The following C12orf42 variants were observed in gnomAD, a reference collection of about 807,000 sequenced individuals.
C12orf42 encodes uncharacterized protein C12orf42.
C12orf42 carries 25 observed loss-of-function variants against 21.6 expected under a neutral mutation model. That is an observed-to-expected ratio of 1.16 (90% CI 0.84 to 1.62). The LOEUF (loss-of-function observed/expected upper bound fraction) is 1.62, where lower values mean the gene tolerates loss of function less well. Among genes scored for constraint, C12orf42 ranks in the 40% most tolerant of loss-of-function variants. The pLI is 0.00. For missense variants in C12orf42, 483 were observed against 459.3 expected, an observed-to-expected ratio of 1.05 and a Z score of -0.47; for synonymous variants, 174 against 175.0, an observed-to-expected ratio of 0.99 and a Z score of 0.05.
At chr12:103,561,950 C>A in the C12orf42 span, among the ~76,000 whole-genome samples, 2 of 152,178 alleles carry the variant, frequency 1.3e-5, no homozygotes, top group Admixed American at 6.5e-5. Context: ...CAAATCTGTG[C>A]CTTACACAAA....
the C12orf42 span, among the ~76,000 whole-genome samples, chr12:103,506,846 T>A: frequency 1.3e-5 from 1 of 77,698 alleles, no homozygotes; most frequent in South Asian, 5.9e-4. Flanking sequence ...TATATATATA[T>A]ATATTTATAT....
intron 5 of C12orf42, 49 bp from the exon 6 acceptor site, chr12:103,302,608 G>C: frequency 6.7e-7 from 1 of 1,495,890 alleles, no homozygotes; most frequent in Non-Finnish European, 9.0e-7. Flanking sequence ...TCAAGCGTGC[G>C]GGACCACACC....
the C12orf42 span, among the ~76,000 whole-genome samples, chr12:103,196,310 G>A: frequency 2.2e-4 from 33 of 151,978 alleles, no homozygotes; most frequent in African/African-American, 5.1e-4. Flanking sequence ...ATATGATTTC[G>A]TTTTGTGTTC....
intron 4 of C12orf42, among the ~76,000 whole-genome samples, chr12:103,321,885 G>A (rs1345701667): frequency 6.6e-6 from 1 of 151,830 alleles, no homozygotes; most frequent in Non-Finnish European, 1.5e-5. Context: ...GAAGGGGGGA[G>A]GGATAGCATT....
At chr12:103,341,560 G>A (rs79581444) in intron 4 of C12orf42, among the ~76,000 whole-genome samples, 18,560 of 152,038 alleles carry the variant, frequency 0.12, 1,403 homozygotes, top group African/African-American at 0.21. Flanking sequence ...AAAAGAAGAT[G>A]GAAAAGAGAC....
the C12orf42 span, among the ~76,000 whole-genome samples, chr12:103,056,229 C>A: frequency 6.6e-6 from 1 of 152,016 alleles, no homozygotes; most frequent in Non-Finnish European, 1.5e-5. Flanking sequence ...TTATTTGGTG[C>A]CTACATATTT....
chr12:103,070,438 T>C, the C12orf42 span, among the ~76,000 whole-genome samples: 1 of 151,986 alleles, frequency 6.6e-6, no homozygotes, highest in African/African-American at 2.4e-5. Flanking sequence ...CAATTCCATT[T>C]TCTCCACAAT....
the C12orf42 span, among the ~76,000 whole-genome samples, chr12:103,232,252 C>T: frequency 9.2e-5 from 14 of 152,134 alleles, no homozygotes; most frequent in African/African-American, 3.4e-4. Context: ...CAGTTTGTGG[C>T]TTCTCTTTTT....
At chr12:103,090,892 AG>A in the C12orf42 span, among the ~76,000 whole-genome samples, 1 of 152,018 alleles carries the variant, frequency 6.6e-6, no homozygotes, top group South Asian at 2.1e-4. Flanking sequence ...TGAGAGAGGG[AG>A]GGCTCTTCAT....
the C12orf42 span, among the ~76,000 whole-genome samples, chr12:103,133,465 C>T: frequency 6.6e-6 from 1 of 152,170 alleles, no homozygotes; most frequent in African/African-American, 2.4e-5. Context: ...CAGGCATGCT[C>T]ATCTCACTGC....
At chr12:103,247,174 C>A (rs1520194) in intron 10 of C12orf42, among the ~76,000 whole-genome samples, 2 of 151,178 alleles carry the variant, frequency 1.3e-5, no homozygotes, top group Non-Finnish European at 3.0e-5. Flanking sequence ...CAAAAAAAAA[C>A]CATGATCAAT....
the C12orf42 span, among the ~76,000 whole-genome samples, chr12:103,180,459 T>C: frequency 2.0e-5 from 3 of 152,054 alleles, no homozygotes; most frequent in Non-Finnish European, 4.4e-5. Context: ...ATATTTGCAC[T>C]GGAGAAAAAG....
chr12:103,137,220 T>C, the C12orf42 span, among the ~76,000 whole-genome samples: 1 of 152,022 alleles, frequency 6.6e-6, no homozygotes, highest in Non-Finnish European at 1.5e-5. Context: ...AGGACATGAA[T>C]AGACATTTCT....
the C12orf42 span, among the ~76,000 whole-genome samples, chr12:103,083,973 C>A: frequency 6.6e-6 from 1 of 152,176 alleles, no homozygotes; most frequent in Non-Finnish European, 1.5e-5. Flanking sequence ...ATGTGATTAG[C>A]AGACTGCTTG....
chr12:103,394,626 T>C (rs2047359699), intron 3 of C12orf42, among the ~76,000 whole-genome samples: 1 of 152,204 alleles, frequency 6.6e-6, no homozygotes, highest in South Asian at 2.1e-4. Flanking sequence ...GCAATTTTTT[T>C]CCACAAATAC....
chr12:103,075,459 A>T, the C12orf42 span, among the ~76,000 whole-genome samples: 1 of 152,234 alleles, frequency 6.6e-6, no homozygotes, highest in Admixed American at 6.5e-5. Flanking sequence ...ACATTTTCCA[A>T]GAGTATTTTT....
downstream of C12orf42, among the ~76,000 whole-genome samples, chr12:103,235,957 C>T (rs987795195): frequency 6.6e-6 from 1 of 152,140 alleles, no homozygotes; most frequent in Admixed American, 6.5e-5. Context: ...CTCAGAAATG[C>T]TCCTTGTGGT....
At chr12:103,161,313 G>T in the C12orf42 span, 3 of 151,966 alleles carry the variant, frequency 2.0e-5, no homozygotes, top group South Asian at 2.1e-4. Context: ...TAATTTGAGG[G>T]CATCAGCCTT....
the C12orf42 span, among the ~76,000 whole-genome samples, chr12:103,141,904 T>C: frequency 2.6e-5 from 4 of 152,200 alleles, no homozygotes; most frequent in African/African-American, 9.7e-5. Context: ...CATAAAATTA[T>C]TTCGTCTTAT....
Sources: allele counts gnomAD v4.1 joint callset (sites outside exome capture counted in the v4.1 genomes callset), GRCh38; gene constraint gnomAD v4.1.1; transcripts MANE v1.5; gene names NCBI Gene and HGNC (gene_info 2026-07-23, HGNC 2026-07-21).